The following ZNF718 variants were observed in gnomAD, a reference collection of about 807,000 sequenced individuals.
ZNF718 encodes zinc finger protein 718.
In ZNF718, 3 loss-of-function variants were observed where a neutral mutation model predicts 2.6. The observed-to-expected ratio is 1.16, with a 90% CI of 0.53 to 3.01. ZNF718 has a LOEUF of 3.01. Ranked by LOEUF, ZNF718 falls within the 30% of genes most tolerant of loss-of-function variation. The pLI is 0.03. For missense variants in ZNF718, 468 were observed against 230.0 expected, an observed-to-expected ratio of 2.03 and a Z score of -6.69; for synonymous variants, 135 against 77.9, an observed-to-expected ratio of 1.73 and a Z score of -3.86.
Position 125,854 on chromosome 4 carries a change from T to C in ZNF718, c.3+1181T>C, listed in dbSNP as rs575780398. Among the ~76,000 whole-genome samples, 20 of 152,368 alleles carry C rather than the reference T, an allele frequency of 1.3e-4. No individual in the cohort carries two copies. The South Asian group carries it at 3.9e-3, about 30-fold the overall frequency. On this transcript the variant is annotated intron_variant, in intron 1 of 3. Coordinates refer to ENST00000510175, the MANE Select transcript of ZNF718 (RefSeq NM_001039127.6). ...ATTGTGCCCATGGCAGTTTTGCTCCTACAGTTTTCTGCCAAAAGCACACGC... is the reference window on the plus strand; with the variant it reads ...ATTGTGCCCATGGCAGTTTTGCTCCCACAGTTTTCTGCCAAAAGCACACGC...
intron 3 of ZNF718, among the ~76,000 whole-genome samples, chr4:152,843 T>C (rs920434609): frequency 1.3e-5 from 2 of 152,072 alleles, no homozygotes; most frequent in Non-Finnish European, 2.9e-5. Flanking sequence ...GTCATAAGTA[T>C]ACTTCGCAAA....
intron 3 of ZNF718, among the ~76,000 whole-genome samples, chr4:187,446 C>T (rs1717592676): frequency 6.6e-6 from 1 of 152,156 alleles, no homozygotes; most frequent in South Asian, 2.1e-4. Flanking sequence ...AGACTGGTCT[C>T]GAACTCCTGA....
At chr4:126,266 A>G (rs1715215818) in intron 1 of ZNF718, among the ~76,000 whole-genome samples, 1 of 152,258 alleles carries the variant, frequency 6.6e-6, no homozygotes. Context: ...GAAGAGGCTT[A>G]ATGATTTCTC....
intron 3 of ZNF718, among the ~76,000 whole-genome samples, chr4:200,246 T>G (rs904726965): frequency 3.4e-5 from 5 of 146,950 alleles, no homozygotes; most frequent in Middle Eastern, 3.3e-3. Context: ...GAGGTTTTTT[T>G]TTTTGTTTGT....
intron 1 of ZNF718, among the ~76,000 whole-genome samples, chr4:128,395 G>A (rs1229070362): frequency 0.39 from 39,242 of 101,718 alleles, 15,632 homozygotes; most frequent in East Asian, 0.82. Context: ...CATCTTAGCA[G>A]TGGGAGGTAA....
In ZNF718 at chr4:178,995, T is replaced by C. The variant is rs185709491; in HGVS notation, c.227-22086T>C. On this transcript the variant is annotated intron_variant and NMD_transcript_variant, in intron 3 of 4. Coordinates refer to the ZNF718 transcript ENST00000642529. The stretch of plus-strand genomic sequence containing the variant: ...TAATGTTATTATGCTCCTCCCTATT[T>C]TTCTGAACGTTGAAGAGATATATGT... Among the ~76,000 whole-genome samples the C allele has an allele frequency of 1.8e-3, 270 of 152,322 alleles. 1 individual carries two copies. Among genetic ancestry groups the C allele is most frequent in the African/African-American group, 5.9e-3 (247 of 41,580 alleles).
chr4:134,136 T>TTTTTG (rs572633882), intron 3 of ZNF718, among the ~76,000 whole-genome samples: 12 of 152,130 alleles, frequency 7.9e-5, no homozygotes, highest in South Asian at 2.1e-4. Flanking sequence ...TGTTAAAGTT[T>TTTTTG]TTTTGTTTTG....
intron 3 of ZNF718, among the ~76,000 whole-genome samples, chr4:146,027 TATATC>T (rs1286018540): frequency 2.0e-5 from 3 of 151,700 alleles, no homozygotes; most frequent in East Asian, 1.9e-4. Flanking sequence ...TTTTGTAACT[TATATC>T]AGAGTTAAAA....
chr4:160,198 G>T (rs1477819014), intron 3 of ZNF718, among the ~76,000 whole-genome samples: 2 of 152,212 alleles, frequency 1.3e-5, no homozygotes, highest in African/African-American at 4.8e-5. Context: ...AAAACCAGAA[G>T]TAGGAATGCG....
In ZNF718 at chr4:127,360, A is replaced by G. The variant is rs1223521899; in HGVS notation, c.3+2687A>G. ...GCAGTTAGACTAGATTTCTACAAAA[A>G]TCACTTCAGGACAGCAATCAGTTAT... On this transcript the variant is annotated intron_variant, in intron 1 of 3. Coordinates refer to ENST00000510175, the MANE Select transcript of ZNF718 (RefSeq NM_001039127.6). 1.9e-5 allele frequency among the ~76,000 whole-genome samples: 2 copies of G among 104,176 alleles called. 1 individual carries two copies. 68.3% of individuals were successfully genotyped at this position (104,176 alleles called of 152,430 possible).
chr4:173,643 G>A (rs1235671684), intron 3 of ZNF718, among the ~76,000 whole-genome samples: 1 of 152,108 alleles, frequency 6.6e-6, no homozygotes. Flanking sequence ...AATATGGGTC[G>A]CAGGTTTTTA....
chr4:169,504 C>G (rs1195840511), intron 3 of ZNF718, among the ~76,000 whole-genome samples: 1 of 152,130 alleles, frequency 6.6e-6, no homozygotes, highest in African/African-American at 2.4e-5. Flanking sequence ...TTCTAGGTCT[C>G]TAACGACTTG....
chr4:184,514 T>C (rs782799628), intron 3 of ZNF718, among the ~76,000 whole-genome samples: 2 of 152,202 alleles, frequency 1.3e-5, no homozygotes, highest in Non-Finnish European at 2.9e-5. Flanking sequence ...ATCAAAATAA[T>C]GCTGGCCTCA....
At chr4:190,783 G>A (rs1553821060) in intron 3 of ZNF718, among the ~76,000 whole-genome samples, 1 of 152,136 alleles carries the variant, frequency 6.6e-6, no homozygotes, top group African/African-American at 2.4e-5. Context: ...GCTCATGCTT[G>A]TAATCCCAGC....
In ZNF718 at chr4:126,850, G is replaced by A. The variant is rs148393501; in HGVS notation, c.3+2177G>A. On this transcript the variant is annotated intron_variant, in intron 1 of 3. Transcript: ENST00000510175. ...TTCTCTTTTTTTTTTTTTTTAAGAC[G>A]GAGTCTTCGCTGTGTCGCCAGGCTG... 6.5e-4 allele frequency among the ~76,000 whole-genome samples: 97 copies of A among 149,078 alleles called. 1 individual carries two copies. The East Asian group carries it at 0.017, about 27-fold the overall frequency.
In ZNF718 at chr4:124,501, G is replaced by T. The variant is rs537353963; in HGVS notation, c.-170G>T. The T allele has an allele frequency of 4.6e-5, 40 of 869,658 alleles. No homozygotes were observed. The South Asian group carries it at 5.4e-4, about 12-fold the overall frequency. The allele number at this position is 869,658 out of a possible 1,614,324, so 53.9% of individuals were successfully genotyped here. A position where few individuals can be genotyped will look rare whatever the true frequency, so the allele number is the denominator to read the frequency against. On this transcript the variant is annotated 5_prime_UTR_variant, in exon 1 of 4. Transcript: ENST00000510175. ...GGGTGCGGCATCCGGGATCTGGCGC[G>T]GCTTTTGCTTGTAGCTCCAGCCAGA... is the stretch of plus-strand genomic sequence containing the variant.
At chr4:172,020 A>G (rs535918183) in intron 3 of ZNF718, among the ~76,000 whole-genome samples, 1 of 152,310 alleles carries the variant, frequency 6.6e-6, no homozygotes, top group South Asian at 2.1e-4. Flanking sequence ...ACTTTCTATG[A>G]CATACTTATA....
rs77727121 is a variant in ZNF718, at chr4:138,565, A to G, written c.226+7060A>G. ...TTAGGTTGCTTCTAAATTTTGGCTAATGTGAACACTGCTGCAGTGAAAATG... is the reference window on the plus strand; with the variant it reads ...TTAGGTTGCTTCTAAATTTTGGCTAGTGTGAACACTGCTGCAGTGAAAATG... On this transcript the variant is annotated intron_variant, in intron 3 of 3. Coordinates refer to ENST00000510175, the MANE Select transcript of ZNF718 (RefSeq NM_001039127.6). Among the ~76,000 whole-genome samples, 808 of 152,310 alleles carry G rather than the reference A, an allele frequency of 5.3e-3. 3 individuals are homozygous for G. Among genetic ancestry groups the G allele is most frequent in the African/African-American group, 0.018 (766 of 41,568 alleles).
chr4:152,185 A>T (rs1716354248), intron 3 of ZNF718, among the ~76,000 whole-genome samples: 1 of 146,494 alleles, frequency 6.8e-6, no homozygotes. Flanking sequence ...TTATACCGAG[A>T]CATTCCATTG....
Sources: allele counts gnomAD v4.1 joint callset (sites outside exome capture counted in the v4.1 genomes callset), GRCh38; gene constraint gnomAD v4.1.1; transcripts MANE v1.5; gene names NCBI Gene and HGNC (gene_info 2026-07-23, HGNC 2026-07-21).